Variants in NCKAP5 observed in about 807,000 individuals in gnomAD.
NCKAP5 encodes NCK associated protein 5, also known as nck-associated protein 5.
NCKAP5 carries 92 observed loss-of-function variants against 167.0 expected under a neutral mutation model. The ratio of observed to expected loss-of-function variants is 0.55; its 90% CI spans 0.47 to 0.66. The LOEUF is 0.66. NCKAP5 is among the 30% of genes least tolerant of loss of function. NCKAP5 has a pLI of 0.00. For missense variants in NCKAP5, 2,378 were observed against 2,315.0 expected (o/e 1.03, Z -0.56); for synonymous variants, 891 against 877.4 (o/e 1.02, Z -0.27).
At chr2:133,137,057 T>A (rs1351631908) in intron 5 of NCKAP5, among the ~76,000 whole-genome samples, 1 of 152,250 alleles carries the variant, frequency 6.6e-6, no homozygotes, top group Non-Finnish European at 1.5e-5. Flanking sequence ...TAACCAACTC[T>A]GTCAAGCCAG....
chr2:132,772,204 A>G (rs2104946949), intron 16 of NCKAP5, among the ~76,000 whole-genome samples: 1 of 152,272 alleles, frequency 6.6e-6, no homozygotes, highest in Non-Finnish European at 1.5e-5. Context: ...TGATACTTGC[A>G]CAACCTTGAA....
chr2:132,774,519 T>C (rs1175926296), intron 15 of NCKAP5, among the ~76,000 whole-genome samples: 1 of 152,078 alleles, frequency 6.6e-6, no homozygotes, highest in Non-Finnish European at 1.5e-5. Context: ...TATATTTCAG[T>C]TGGAAGGCCC....
At chr2:132,806,076 C>T (rs928368197) in intron 11 of NCKAP5, among the ~76,000 whole-genome samples, 1 of 152,110 alleles carries the variant, frequency 6.6e-6, no homozygotes, top group African/African-American at 2.4e-5. Flanking sequence ...AGTCTCCAAT[C>T]TCATCCAGGT....
the NCKAP5 span, among the ~76,000 whole-genome samples, chr2:133,663,556 C>G: frequency 4.6e-5 from 7 of 152,188 alleles, no homozygotes. Context: ...TATGAATATT[C>G]TAATCCTTTG....
intron 6 of NCKAP5, among the ~76,000 whole-genome samples, chr2:132,999,431 A>G (rs922961504): frequency 2.6e-5 from 4 of 152,200 alleles, no homozygotes; most frequent in African/African-American, 9.6e-5. Context: ...CCTCCTTTTA[A>G]AATACGGACC....
chr2:132,674,977 C>A (rs987986589), intron 19 of NCKAP5, among the ~76,000 whole-genome samples: 1 of 152,208 alleles, frequency 6.6e-6, no homozygotes, highest in African/African-American at 2.4e-5. Context: ...CCCCTTTCAA[C>A]ACCATGCCAA....
intron 16 of NCKAP5, among the ~76,000 whole-genome samples, chr2:132,751,830 C>G (rs1226584032): frequency 1.3e-5 from 2 of 152,178 alleles, no homozygotes; most frequent in Non-Finnish European, 2.9e-5. Flanking sequence ...CTGGCAGTTT[C>G]ATACCACCAT....
chr2:133,170,239 G>A (rs1056173452), intron 5 of NCKAP5, among the ~76,000 whole-genome samples: 4 of 152,080 alleles, frequency 2.6e-5, no homozygotes, highest in Admixed American at 1.3e-4. Context: ...TGGGAACGTG[G>A]GTGAGGGCAG....
At chr2:133,369,770 G>A (rs1221846708) in intron 3 of NCKAP5, among the ~76,000 whole-genome samples, 9 of 152,104 alleles carry the variant, frequency 5.9e-5, no homozygotes, top group Non-Finnish European at 1.2e-4. Context: ...GTTTTCTTTC[G>A]ATTTATTTGT....
intron 7 of NCKAP5, among the ~76,000 whole-genome samples, chr2:132,984,261 T>G (rs1322641222): frequency 6.6e-6 from 1 of 152,180 alleles, no homozygotes; most frequent in East Asian, 1.9e-4. Flanking sequence ...TGCCGGAGAC[T>G]CTATGGAACT....
intron 3 of NCKAP5, among the ~76,000 whole-genome samples, chr2:133,394,042 C>T (rs1687588895): frequency 6.6e-6 from 1 of 152,234 alleles, no homozygotes; most frequent in South Asian, 2.1e-4. Flanking sequence ...TGGCATTCAA[C>T]ACACAAAGAC....
At chr2:132,868,146 G>C (rs1392102441) in intron 10 of NCKAP5, among the ~76,000 whole-genome samples, 5 of 152,044 alleles carry the variant, frequency 3.3e-5, no homozygotes, top group Admixed American at 3.3e-4. Context: ...TATGCTGCAG[G>C]ATCTAAAAGT....
intron 3 of NCKAP5, among the ~76,000 whole-genome samples, chr2:133,341,463 A>T (rs1234044055): frequency 6.6e-6 from 1 of 152,148 alleles, no homozygotes; most frequent in East Asian, 1.9e-4. Flanking sequence ...CCTTCAGGTA[A>T]TTTTGATATT....
chr2:132,673,856 T>C (rs1169496456), intron 19 of NCKAP5, among the ~76,000 whole-genome samples: 3 of 152,116 alleles, frequency 2.0e-5, no homozygotes, highest in African/African-American at 7.2e-5. Context: ...TGGGTGTAGA[T>C]CCCAGAAGGC....
chr2:133,632,109 C>G, the NCKAP5 span, among the ~76,000 whole-genome samples: 6 of 152,142 alleles, frequency 3.9e-5, no homozygotes, highest in East Asian at 7.7e-4. Context: ...GTCCTGTCCC[C>G]CAAGCTGCAG....
At chr2:133,267,371 T>A (rs1167968842) in intron 4 of NCKAP5, 1 of 152,198 alleles carries the variant, frequency 6.6e-6, no homozygotes, top group Non-Finnish European at 1.5e-5. Flanking sequence ...CTTAATCTTA[T>A]CATGGAGCTG....
At chr2:133,546,388 A>G (rs1268285648) in intron 2 of NCKAP5, among the ~76,000 whole-genome samples, 1 of 152,332 alleles carries the variant, frequency 6.6e-6, no homozygotes, top group East Asian at 1.9e-4. Flanking sequence ...ATTTTCCACA[A>G]TGACTGCCTC....
chr2:133,471,365 C>G (rs1279527477), intron 3 of NCKAP5, among the ~76,000 whole-genome samples: 1 of 140,696 alleles, frequency 7.1e-6, no homozygotes, highest in Non-Finnish European at 1.5e-5. Flanking sequence ...GTGCCACTAG[C>G]AACTTGTCTT....
chr2:133,666,458 G>A, the NCKAP5 span, among the ~76,000 whole-genome samples: 10 of 151,664 alleles, frequency 6.6e-5, no homozygotes, highest in Non-Finnish European at 1.0e-4. Context: ...TCAGCCTCCC[G>A]AAGTGCTGGG....
Sources: allele counts gnomAD v4.1 joint callset (sites outside exome capture counted in the v4.1 genomes callset), GRCh38; gene constraint gnomAD v4.1.1; transcripts MANE v1.5; gene names NCBI Gene and HGNC (gene_info 2026-07-23, HGNC 2026-07-21).